COL28A1: variants seen among roughly 807,000 people sequenced by gnomAD.
The protein encoded by COL28A1 is collagen alpha-1(XXVIII) chain.
A neutral mutation model predicts 150.2 loss-of-function variants in COL28A1; 161 were observed. The observed-to-expected ratio is 1.07, with a 90% CI of 0.94 to 1.22. COL28A1 has a LOEUF of 1.22. COL28A1 is among the 50% of genes most tolerant of loss of function. The pLI is 0.00. For synonymous variants in COL28A1, 552 were observed against 469.7 expected, an observed-to-expected ratio of 1.18 and a Z score of -2.26; for missense variants, 1,617 against 1,388.3, an observed-to-expected ratio of 1.16 and a Z score of -2.62.
At chr7:7,511,340 A>G (rs1781122620) in intron 8 of COL28A1, among the ~76,000 whole-genome samples, 1 of 152,176 alleles carries the variant, frequency 6.6e-6, no homozygotes, top group Non-Finnish European at 1.5e-5. Flanking sequence ...CCTTAACTTG[A>G]CAGGAATAAA....
chr7:7,498,338 T>C (rs562299516), intron 11 of COL28A1, among the ~76,000 whole-genome samples: 26 of 152,206 alleles, frequency 1.7e-4, no homozygotes, highest in Non-Finnish European at 3.2e-4. Flanking sequence ...AATGAGTTGC[T>C]GGTAAAAATT....
intron 8 of COL28A1, among the ~76,000 whole-genome samples, chr7:7,512,639 T>C (rs10247890): frequency 0.45 from 68,396 of 152,002 alleles, 17,365 homozygotes; most frequent in African/African-American, 0.7. Flanking sequence ...GTCAGAAAAA[T>C]GACTAAAGTT....
chr7:7,436,446 A>C lies in COL28A1; in HGVS notation c.1809T>G (p.Pro603=). ...PPGPKGDRGG[P]GIPGFKGEPG... ...GTTCTCCCTTAAATCCAGGTATCCC[A>C]GGTCCTCCTCTATCTCCCTGTACAT... The change falls in exon 23 of 35, where the codon CCT becomes CCG. Residue 603 remains proline (P), a synonymous_variant. Coordinates refer to ENST00000399429, the MANE Select transcript of COL28A1 (RefSeq NM_001037763.3). 1 of 1,397,508 alleles carries C rather than the reference A, an allele frequency of 7.2e-7. No individual in the cohort carries two copies. Among genetic ancestry groups the C allele is most frequent in the Non-Finnish European group, 1.0e-6 (1 of 982,314 alleles). The allele number at this position is 1,397,508 out of a possible 1,614,324, so 86.6% of individuals were successfully genotyped here. A position where few individuals can be genotyped will look rare whatever the true frequency, so the allele number is the denominator to read the frequency against.
intron 4 of COL28A1, among the ~76,000 whole-genome samples, chr7:7,522,774 A>G: frequency 6.8e-6 from 1 of 146,842 alleles, no homozygotes; most frequent in East Asian, 2.0e-4. Flanking sequence ...GGCCACGCAT[A>G]AAATACACTA....
At chr7:7,341,191 G>A in the COL28A1 span, among the ~76,000 whole-genome samples, 136 of 152,186 alleles carry the variant, frequency 8.9e-4, no homozygotes, top group Non-Finnish European at 1.7e-3. Context: ...TGTAGAAGGA[G>A]GATATAATTA....
At chr7:7,488,107 C>A (rs1285146252) in intron 13 of COL28A1, among the ~76,000 whole-genome samples, 11 of 152,140 alleles carry the variant, frequency 7.2e-5, no homozygotes. Flanking sequence ...TAAGGAATAA[C>A]AAATTATTGT....
intron 8 of COL28A1, among the ~76,000 whole-genome samples, chr7:7,515,286 A>T (rs1168528571): frequency 1.3e-5 from 2 of 152,164 alleles, no homozygotes; most frequent in Non-Finnish European, 2.9e-5. Context: ...GCAAATAATC[A>T]TCAAATCATC....
chr7:7,543,538 C>T, the COL28A1 span, among the ~76,000 whole-genome samples: 1 of 152,094 alleles, frequency 6.6e-6, no homozygotes, highest in Admixed American at 6.6e-5. Flanking sequence ...TGTAAAAAGT[C>T]CTACTATGTC....
At chr7:7,411,917 A>T (rs1783810725) in intron 27 of COL28A1, among the ~76,000 whole-genome samples, 1 of 152,178 alleles carries the variant, frequency 6.6e-6, no homozygotes, top group Non-Finnish European at 1.5e-5. Flanking sequence ...GTTGCCATGG[A>T]GACCACCATA....
intron 4 of COL28A1, among the ~76,000 whole-genome samples, chr7:7,523,501 T>C (rs1781855804): frequency 6.6e-6 from 1 of 151,960 alleles, no homozygotes; most frequent in African/African-American, 2.4e-5. Flanking sequence ...TAATGGTATA[T>C]CCGAACATGT....
chr7:7,369,258 C>A (rs1462863320), intron 33 of COL28A1, among the ~76,000 whole-genome samples: 1 of 152,150 alleles, frequency 6.6e-6, no homozygotes, highest in Non-Finnish European at 1.5e-5. Flanking sequence ...CCATTATTGT[C>A]TGGAATTTAC....
chr7:7,478,996 G>C (rs1449299337), intron 13 of COL28A1, among the ~76,000 whole-genome samples: 8 of 152,352 alleles, frequency 5.3e-5, no homozygotes, highest in East Asian at 1.9e-4. Flanking sequence ...CCACAGTGCA[G>C]CGGTGGGCTG....
chr7:7,342,476 C>A, the COL28A1 span, among the ~76,000 whole-genome samples: 1 of 151,944 alleles, frequency 6.6e-6, no homozygotes, highest in East Asian at 1.9e-4. Flanking sequence ...TTGTGTTGGG[C>A]TTTTTATTTA....
upstream of COL28A1, among the ~76,000 whole-genome samples, chr7:7,539,803 G>A (rs955924888): frequency 4.0e-5 from 6 of 151,822 alleles, no homozygotes; most frequent in African/African-American, 7.3e-5. Flanking sequence ...GAGCAGTTTC[G>A]GGGTACAGCA....
rs1046188885 is a variant in COL28A1, at chr7:7,471,261, A to C, written c.1302+3340T>G. Among the ~76,000 whole-genome samples the C allele has an allele frequency of 2.6e-5, 4 of 152,216 alleles. 1 individual carries two copies. The South Asian group carries it at 8.3e-4, about 32-fold the overall frequency. On this transcript the variant is annotated intron_variant, in intron 15 of 34. Transcript: ENST00000399429. ...AAATTACCAACAAAAAATGTCCAGG[A>C]CTAGACGGATTCACAACAAAATTCT...
At chr7:7,419,097 T>A (rs1784261302) in intron 26 of COL28A1, among the ~76,000 whole-genome samples, 1 of 152,306 alleles carries the variant, frequency 6.6e-6, no homozygotes, top group African/African-American at 2.4e-5. Flanking sequence ...TTTTCCCTAT[T>A]GAACATGCTT....
At chr7:7,351,672 A>T (rs1194608294), downstream of COL28A1, among the ~76,000 whole-genome samples, 5 of 152,162 alleles carry the variant, frequency 3.3e-5, no homozygotes, top group Non-Finnish European at 7.3e-5. Flanking sequence ...AAAAATTACT[A>T]ATTTATGTAA....
intron 30 of COL28A1, among the ~76,000 whole-genome samples, chr7:7,377,919 G>A (rs1781650688): frequency 6.6e-6 from 1 of 152,128 alleles, no homozygotes; most frequent in Admixed American, 6.6e-5. Context: ...TGAATAACTG[G>A]AAGAAACGAT....
intron 11 of COL28A1, among the ~76,000 whole-genome samples, chr7:7,494,374 C>T (rs1300694384): frequency 6.6e-6 from 1 of 151,958 alleles, no homozygotes; most frequent in Non-Finnish European, 1.5e-5. Flanking sequence ...CATGGAGTCA[C>T]AGGGAAAAAA....
Sources: gnomAD v4.1 joint callset for allele counts (sites outside exome capture counted in the v4.1 genomes callset) on GRCh38, gnomAD v4.1.1 for gene constraint, MANE v1.5 for transcripts, NCBI Gene and HGNC (gene_info 2026-07-23, HGNC 2026-07-21) for gene names.